Variants in DNER observed in about 807,000 individuals in gnomAD.
DNER encodes the protein delta and Notch-like epidermal growth factor-related receptor.
DNER carries 33 observed loss-of-function variants against 78.2 expected under a neutral mutation model. That is an observed-to-expected ratio of 0.42 (90% CI 0.32 to 0.56). DNER has a LOEUF of 0.56. Among genes scored for constraint, DNER ranks in the 20% least tolerant of loss-of-function variants. The pLI is 0.11. For synonymous variants in DNER, 417 were observed against 384.8 expected (o/e 1.08, Z -0.98); for missense variants, 918 against 975.3 (o/e 0.94, Z 0.78).
intron 6 of DNER, among the ~76,000 whole-genome samples, chr2:229,508,056 T>C (rs1370467495): frequency 6.6e-6 from 1 of 152,012 alleles, no homozygotes; most frequent in Non-Finnish European, 1.5e-5. Flanking sequence ...TAATGGCACA[T>C]AAACATATGA....
intron 7 of DNER, among the ~76,000 whole-genome samples, chr2:229,475,527 T>C (rs1455015866): frequency 6.6e-6 from 1 of 152,224 alleles, no homozygotes; most frequent in Non-Finnish European, 1.5e-5. Flanking sequence ...ATTACATACT[T>C]ATCTGTGTGT....
chr2:229,503,406 G>T (rs754577387), intron 6 of DNER, among the ~76,000 whole-genome samples: 21 of 152,296 alleles, frequency 1.4e-4, no homozygotes, highest in Non-Finnish European at 2.6e-4. Context: ...TGGAAAAGTT[G>T]AGTAAAAATA....
chr2:229,499,346 G>C (rs1300541872), intron 6 of DNER, among the ~76,000 whole-genome samples: 1 of 151,146 alleles, frequency 6.6e-6, no homozygotes, highest in Non-Finnish European at 1.5e-5. Context: ...TCAGGAGTTT[G>C]AGGCAGGAGA....
At chr2:229,400,510 C>A (rs916961279) in intron 10 of DNER, among the ~76,000 whole-genome samples, 2 of 151,834 alleles carry the variant, frequency 1.3e-5, no homozygotes, top group African/African-American at 2.4e-5. Context: ...TCTTGCAGTG[C>A]CAGAACGTAT....
intron 6 of DNER, among the ~76,000 whole-genome samples, chr2:229,488,832 C>A (rs1230825639): frequency 2.0e-5 from 3 of 152,182 alleles, no homozygotes; most frequent in African/African-American, 7.2e-5. Flanking sequence ...AAATCTCTGG[C>A]CAAGAAAGTG....
intron 4 of DNER, among the ~76,000 whole-genome samples, chr2:229,582,915 G>C (rs138256609): frequency 2.6e-5 from 4 of 151,984 alleles, no homozygotes; most frequent in Non-Finnish European, 4.4e-5. Flanking sequence ...CTCGGATTAC[G>C]GGCACGAGCC....
At chr2:229,452,665 G>A (rs577038988) in intron 7 of DNER, among the ~76,000 whole-genome samples, 25 of 152,152 alleles carry the variant, frequency 1.6e-4, no homozygotes, top group African/African-American at 2.4e-4. Flanking sequence ...GTCTTGCTCC[G>A]TAGCCCAGGC....
chr2:229,594,794 G>A (rs1164333349), intron 1 of DNER, among the ~76,000 whole-genome samples: 1 of 151,948 alleles, frequency 6.6e-6, no homozygotes, highest in Non-Finnish European at 1.5e-5. Flanking sequence ...TTATATTTTT[G>A]TAAGCAATAG....
At chr2:229,622,630 G>T (rs1012515586) in intron 1 of DNER, among the ~76,000 whole-genome samples, 4 of 152,186 alleles carry the variant, frequency 2.6e-5, no homozygotes, top group African/African-American at 9.7e-5. Context: ...TCAGAATGTG[G>T]ATTTTTTTGG....
chr2:229,571,101 G>C (rs1697211323), intron 4 of DNER, among the ~76,000 whole-genome samples: 1 of 152,128 alleles, frequency 6.6e-6, no homozygotes, highest in Non-Finnish European at 1.5e-5. Flanking sequence ...GGTAAGAGAG[G>C]CTGGGGGTTG....
At chr2:229,511,879 C>T (rs543153205) in intron 6 of DNER, among the ~76,000 whole-genome samples, 15 of 152,176 alleles carry the variant, frequency 9.9e-5, no homozygotes, top group Non-Finnish European at 1.9e-4. Flanking sequence ...CTTTCTTCTT[C>T]CATTCCCTGA....
At chr2:229,687,857 T>C (rs1224905425) in intron 1 of DNER, among the ~76,000 whole-genome samples, 1 of 152,226 alleles carries the variant, frequency 6.6e-6, no homozygotes, top group African/African-American at 2.4e-5. Flanking sequence ...TGGGTCATAC[T>C]GATGTCCAGA....
intron 1 of DNER, among the ~76,000 whole-genome samples, chr2:229,689,792 TC>T (rs1294724548): frequency 6.6e-6 from 1 of 152,162 alleles, no homozygotes; most frequent in Non-Finnish European, 1.5e-5. Flanking sequence ...CAGCCTTCCA[TC>T]ATAGAGCTGA....
intron 4 of DNER, among the ~76,000 whole-genome samples, chr2:229,558,450 T>C (rs1300194052): frequency 3.3e-5 from 5 of 152,226 alleles, no homozygotes; most frequent in South Asian, 2.1e-4. Context: ...TCTTTTGTTA[T>C]AAAAAGGCAT....
At chr2:229,395,590 C>A (rs1052289779) in intron 10 of DNER, among the ~76,000 whole-genome samples, 2 of 152,196 alleles carry the variant, frequency 1.3e-5, no homozygotes, top group East Asian at 3.9e-4. Context: ...GCCCTACAAA[C>A]TGCATGCTTT....
intron 4 of DNER, among the ~76,000 whole-genome samples, chr2:229,579,888 G>A (rs553608463): frequency 5.3e-5 from 8 of 151,934 alleles, no homozygotes; most frequent in Non-Finnish European, 1.2e-4. Flanking sequence ...AGACTTTATG[G>A]TAAGTCCATA....
chr2:229,417,969 G>A lies in DNER; in HGVS notation c.1609+139C>T, dbSNP rs375148265. 2.4e-4 allele frequency: 341 copies of A among 1,395,334 alleles called. 1 individual carries two copies. Among genetic ancestry groups the A allele is most frequent in the Non-Finnish European group, 3.1e-4 (323 of 1,027,692 alleles). 86.4% of individuals were successfully genotyped at this position (1,395,334 alleles called of 1,614,324 possible). On this transcript the variant is annotated intron_variant, in intron 9 of 12. Coordinates refer to ENST00000341772, the MANE Select transcript of DNER (RefSeq NM_139072.4). ...ACTTGCAAATTGGTCTCCTTGGACCGATTAATCATGCCAGCTTCAGCATTT... is the reference window on the plus strand; with the variant it reads ...ACTTGCAAATTGGTCTCCTTGGACCAATTAATCATGCCAGCTTCAGCATTT...
intron 8 of DNER, among the ~76,000 whole-genome samples, chr2:229,418,551 G>A (rs1693696824): frequency 6.6e-6 from 1 of 152,090 alleles, no homozygotes; most frequent in Non-Finnish European, 1.5e-5. Flanking sequence ...GTCTGCTGTG[G>A]CCATCAGAGA....
chr2:229,672,606 G>A (rs1699228890), intron 1 of DNER, among the ~76,000 whole-genome samples: 1 of 151,542 alleles, frequency 6.6e-6, no homozygotes, highest in South Asian at 2.1e-4. Flanking sequence ...AAAAGGATGA[G>A]GGAGGGAGAG....
Sources: allele counts gnomAD v4.1 joint callset (sites outside exome capture counted in the v4.1 genomes callset), GRCh38; gene constraint gnomAD v4.1.1; transcripts MANE v1.5; gene names NCBI Gene and HGNC (gene_info 2026-07-23, HGNC 2026-07-21).